The following CACNA2D3 variants were observed in gnomAD, a reference collection of about 807,000 sequenced individuals.
CACNA2D3 encodes the protein calcium voltage-gated channel auxiliary subunit alpha2delta 3.
A neutral mutation model predicts 160.6 loss-of-function variants in CACNA2D3; 60 were observed. The observed-to-expected ratio is 0.37, with a 90% CI of 0.30 to 0.46. The LOEUF (loss-of-function observed/expected upper bound fraction) is 0.46, where lower values mean the gene tolerates loss of function less well. Ranked by LOEUF, CACNA2D3 falls within the 20% of genes least tolerant of loss-of-function variation. The pLI, the probability that CACNA2D3 is intolerant of heterozygous loss-of-function variation, is 1.00. For missense variants in CACNA2D3, 1,205 were observed against 1,365.0 expected (o/e 0.88, Z 1.85); for synonymous variants, 558 against 492.9 (o/e 1.13, Z -1.75).
chr3:54,390,285 A>T (rs148267310), intron 4 of CACNA2D3, among the ~76,000 whole-genome samples: 61 of 152,280 alleles, frequency 4.0e-4, no homozygotes, highest in African/African-American at 1.3e-3. Context: ...CCTATTTCCG[A>T]AGTTTTACAG....
At chr3:54,379,501 G>C (rs907811369) in intron 3 of CACNA2D3, among the ~76,000 whole-genome samples, 1 of 152,198 alleles carries the variant, frequency 6.6e-6, no homozygotes, top group Non-Finnish European at 1.5e-5. Flanking sequence ...AGCATTGCAG[G>C]GTGGCAGGGA....
At chr3:55,005,583 C>A (rs898326062) in intron 32 of CACNA2D3, among the ~76,000 whole-genome samples, 4 of 152,160 alleles carry the variant, frequency 2.6e-5, no homozygotes, top group African/African-American at 9.6e-5. Context: ...GTTTCAGCAT[C>A]GTTTTCCCTG....
intron 4 of CACNA2D3, among the ~76,000 whole-genome samples, chr3:54,401,708 G>A (rs1699468506): frequency 6.6e-6 from 1 of 152,152 alleles, no homozygotes; most frequent in Admixed American, 6.5e-5. Flanking sequence ...AGCAAACGTT[G>A]AGAGAATTTA....
intron 2 of CACNA2D3, among the ~76,000 whole-genome samples, chr3:54,153,977 A>C (rs555851013): frequency 1.4e-4 from 22 of 152,198 alleles, no homozygotes; most frequent in Non-Finnish European, 2.9e-4. Flanking sequence ...GAGTCTAAAT[A>C]AGATGGTAGA....
At chr3:54,924,910 G>C in intron 27 of CACNA2D3, 1 of 1,613,446 alleles carries the variant, frequency 6.2e-7, no homozygotes, top group African/African-American at 1.3e-5. Flanking sequence ...TTCTGGGTTA[G>C]ATTTAAAACC....
intron 11 of CACNA2D3, among the ~76,000 whole-genome samples, chr3:54,674,305 TCATTCATTCATC>T (rs985270638): frequency 1.6e-4 from 25 of 152,148 alleles, no homozygotes; most frequent in Non-Finnish European, 1.5e-5. Context: ...ATTCATTCAT[TCATTCATTCATC>T]CATTCATTTG....
rs369199719 is a variant in CACNA2D3 at position 54,286,061 on chromosome 3, G to A, written c.205-34381G>A. 6.3e-4 allele frequency among the ~76,000 whole-genome samples: 96 copies of A among 152,312 alleles called. 1 individual carries two copies. In the South Asian group the frequency reaches 6.6e-3, roughly 11 times the overall value. On this transcript the variant is annotated intron_variant, in intron 2 of 37. Transcript: ENST00000474759. Reference sequence around the variant, plus strand: ...AGGAATGCAGCTCCTCACCAGCAACGGAACAAAGCTGGATGGAGAATGACT... The same window carrying A: ...AGGAATGCAGCTCCTCACCAGCAACAGAACAAAGCTGGATGGAGAATGACT...
chr3:54,758,166 C>T (rs375280888), intron 12 of CACNA2D3, among the ~76,000 whole-genome samples: 9 of 152,246 alleles, frequency 5.9e-5, no homozygotes, highest in African/African-American at 1.4e-4. Flanking sequence ...GTAGATAAGA[C>T]GAGACCAGGA....
chr3:54,136,893 G>T (rs956308993), intron 2 of CACNA2D3, among the ~76,000 whole-genome samples: 1 of 152,212 alleles, frequency 6.6e-6, no homozygotes, highest in East Asian at 1.9e-4. Context: ...TTGGTGGTCC[G>T]TGGACCACGC....
At chr3:55,025,941 C>T (rs1296802394) in intron 35 of CACNA2D3, among the ~76,000 whole-genome samples, 10 of 145,186 alleles carry the variant, frequency 6.9e-5, no homozygotes, top group African/African-American at 2.5e-4. Flanking sequence ...TGGGTTTTTT[C>T]TTTTTTTTTT....
chr3:54,279,983 C>T (rs1031350783), intron 2 of CACNA2D3, among the ~76,000 whole-genome samples: 3 of 152,196 alleles, frequency 2.0e-5, no homozygotes, highest in African/African-American at 7.2e-5. Flanking sequence ...GCTAGTTCCA[C>T]CTGTAGAGAA....
At chr3:54,423,931 A>C (rs1363952419) in intron 4 of CACNA2D3, among the ~76,000 whole-genome samples, 1 of 149,486 alleles carries the variant, frequency 6.7e-6, no homozygotes, top group African/African-American at 2.5e-5. Flanking sequence ...TGACTCTGTC[A>C]CTCAGGCTGG....
intron 2 of CACNA2D3, among the ~76,000 whole-genome samples, chr3:54,134,082 T>C (rs1699769754): frequency 6.6e-6 from 1 of 152,202 alleles, no homozygotes; most frequent in African/African-American, 2.4e-5. Flanking sequence ...TTGGTGCTTA[T>C]TTTTTTTCCT....
intron 1 of CACNA2D3, among the ~76,000 whole-genome samples, 164 bp downstream of exon 1, chr3:54,122,999 G>T (rs868624850): frequency 6.6e-6 from 1 of 152,164 alleles, no homozygotes; most frequent in Non-Finnish European, 1.5e-5. Context: ...GGCGAGGCCG[G>T]GGTGGGATGC....
At chr3:54,234,436 G>A (rs1340606132) in intron 2 of CACNA2D3, among the ~76,000 whole-genome samples, 1 of 152,192 alleles carries the variant, frequency 6.6e-6, no homozygotes, top group Non-Finnish European at 1.5e-5. Flanking sequence ...AACTATTGTG[G>A]AAAGCAGTAT....
intron 4 of CACNA2D3, among the ~76,000 whole-genome samples, chr3:54,390,730 G>T (rs1163085093): frequency 3.9e-5 from 6 of 152,272 alleles, no homozygotes; most frequent in African/African-American, 1.2e-4. Context: ...ATGCTATTAA[G>T]TGCAAGTATA....
At chr3:55,010,230 A>C (rs898162284) in intron 34 of CACNA2D3, among the ~76,000 whole-genome samples, 1 of 152,128 alleles carries the variant, frequency 6.6e-6, no homozygotes, top group Non-Finnish European at 1.5e-5. Context: ...ACTGGGGCCT[A>C]CTTGAGGTGG....
intron 35 of CACNA2D3, among the ~76,000 whole-genome samples, chr3:55,019,872 C>CT (rs1470096968): frequency 6.6e-6 from 1 of 152,078 alleles, no homozygotes; most frequent in Admixed American, 6.6e-5. Context: ...TGCTAAAGGA[C>CT]TTTTTTATTG....
intron 9 of CACNA2D3, among the ~76,000 whole-genome samples, chr3:54,612,435 T>C (rs1698764168): frequency 1.3e-5 from 2 of 152,138 alleles, no homozygotes; most frequent in South Asian, 4.1e-4. Context: ...AAAGGCCAAG[T>C]TGGCTTTATG....
Sources: gnomAD v4.1 joint callset for allele counts (sites outside exome capture counted in the v4.1 genomes callset) on GRCh38, gnomAD v4.1.1 for gene constraint, MANE v1.5 for transcripts, NCBI Gene and HGNC (gene_info 2026-07-23, HGNC 2026-07-21) for gene names.